RYR2: variants seen among roughly 807,000 people sequenced by gnomAD.
RYR2 encodes cardiac muscle ryanodine receptor-calcium release channel.
RYR2 carries 227 observed loss-of-function variants against 601.1 expected under a neutral mutation model. That is an observed-to-expected ratio of 0.38 (90% CI 0.34 to 0.42). The LOEUF (loss-of-function observed/expected upper bound fraction) is 0.42, where lower values mean the gene tolerates loss of function less well. Ranked by LOEUF, RYR2 falls within the 10% of genes least tolerant of loss-of-function variation. RYR2 has a pLI of 1.00. For missense variants in RYR2, 4,646 were observed against 6,156.5 expected (o/e 0.75, Z 8.21); for synonymous variants, 2,223 against 2,175.1 (o/e 1.02, Z -0.61).
chr1:237,066,249 G>T (rs908761496), intron 1 of RYR2, among the ~76,000 whole-genome samples: 11 of 152,126 alleles, frequency 7.2e-5, no homozygotes, highest in African/African-American at 2.7e-4. Flanking sequence ...AAGACATCTT[G>T]GTCGTTTTCA....
chr1:237,503,542 G>C, intron 22 of RYR2, 37 bp downstream of exon 22: 1 of 1,597,044 alleles, frequency 6.3e-7, no homozygotes. Flanking sequence ...CACTGGTATT[G>C]CAGTCATGCT....
chr1:237,413,617 A>T (rs1454592270), intron 10 of RYR2, among the ~76,000 whole-genome samples: 1 of 152,150 alleles, frequency 6.6e-6, no homozygotes, highest in Admixed American at 6.6e-5. Flanking sequence ...TAATGCTAAT[A>T]GTTTGATGTT....
intron 2 of RYR2, among the ~76,000 whole-genome samples, chr1:237,318,200 C>G (rs1364100844): frequency 6.6e-6 from 1 of 152,088 alleles, no homozygotes. Flanking sequence ...CAGAATAATA[C>G]TCATTTAATT....
intron 2 of RYR2, among the ~76,000 whole-genome samples, chr1:237,329,050 T>C (rs1231884115): frequency 6.6e-6 from 1 of 152,182 alleles, no homozygotes; most frequent in African/African-American, 2.4e-5. Flanking sequence ...TAACTTACGG[T>C]TCTAACTCAC....
intron 2 of RYR2, among the ~76,000 whole-genome samples, chr1:237,286,238 A>G (rs1691542526): frequency 6.6e-6 from 1 of 152,010 alleles, no homozygotes; most frequent in Non-Finnish European, 1.5e-5. Flanking sequence ...TGTCTGGTTC[A>G]AATAATTTTT....
At chr1:237,805,054 G>A (rs1034254902) in intron 98 of RYR2, among the ~76,000 whole-genome samples, 1 of 152,148 alleles carries the variant, frequency 6.6e-6, no homozygotes, top group African/African-American at 2.4e-5. Context: ...GCACAGAACA[G>A]CACCCATAAT....
At chr1:237,261,638 G>A (rs1688533940) in intron 1 of RYR2, among the ~76,000 whole-genome samples, 1 of 152,184 alleles carries the variant, frequency 6.6e-6, no homozygotes, top group Non-Finnish European at 1.5e-5. Flanking sequence ...GGTCACACCT[G>A]TAATCCCAGC....
chr1:237,486,187 G>T (rs2150385844), intron 17 of RYR2, among the ~76,000 whole-genome samples: 1 of 152,258 alleles, frequency 6.6e-6, no homozygotes, highest in African/African-American at 2.4e-5. Flanking sequence ...TACAAAGAAA[G>T]GTGTTATGTT....
intron 14 of RYR2, among the ~76,000 whole-genome samples, chr1:237,449,109 T>C (rs2150185563): frequency 6.6e-6 from 1 of 152,236 alleles, no homozygotes; most frequent in African/African-American, 2.4e-5. Flanking sequence ...TGAGAGCATA[T>C]GGGTTACAAA....
intron 25 of RYR2, among the ~76,000 whole-genome samples, chr1:237,547,017 T>TTATG (rs1669898640): frequency 7.6e-6 from 1 of 131,508 alleles, no homozygotes; most frequent in Non-Finnish European, 1.7e-5. Context: ...ATTTATTTAT[T>TTATG]TATTTAGAGA....
intron 27 of RYR2, among the ~76,000 whole-genome samples, chr1:237,558,538 C>T (rs1427877635): frequency 6.6e-6 from 1 of 152,160 alleles, no homozygotes; most frequent in Non-Finnish European, 1.5e-5. Context: ...TTTCAGGATT[C>T]TCTCTCTGTT....
At chr1:237,068,417 A>G (rs549105877) in intron 1 of RYR2, among the ~76,000 whole-genome samples, 50 of 152,264 alleles carry the variant, frequency 3.3e-4, no homozygotes, top group African/African-American at 1.1e-3. Flanking sequence ...TGACATTGTT[A>G]TGTTGCCCAT....
chr1:237,686,182 G>C lies in RYR2; in HGVS notation c.9018-1273G>C, dbSNP rs181538431. Among the ~76,000 whole-genome samples the C allele has an allele frequency of 7.9e-5, 12 of 152,300 alleles. No individual in the cohort carries two copies. In the East Asian group the frequency reaches 2.3e-3, roughly 29 times the overall value. On this transcript the variant is annotated intron_variant, in intron 62 of 104. Transcript: ENST00000366574. Reference sequence around the variant, plus strand: ...TTTGCAAGAGAACATAGTCAGTGAGGACTTAGCTGTTCTCGTTATTGGGAA... The same window carrying C: ...TTTGCAAGAGAACATAGTCAGTGAGCACTTAGCTGTTCTCGTTATTGGGAA...
At chr1:237,312,516 A>G (rs1425206256) in intron 2 of RYR2, among the ~76,000 whole-genome samples, 2 of 152,204 alleles carry the variant, frequency 1.3e-5, no homozygotes, top group Non-Finnish European at 2.9e-5. Context: ...GGCGAAGATG[A>G]CATTTTTAAC....
intron 2 of RYR2, among the ~76,000 whole-genome samples, chr1:237,328,387 G>C (rs552492378): frequency 3.3e-5 from 5 of 152,024 alleles, no homozygotes; most frequent in Admixed American, 3.3e-4. Flanking sequence ...GAGTAGAAGA[G>C]AGTCCTTTTC....
intron 3 of RYR2, among the ~76,000 whole-genome samples, chr1:237,332,273 T>C (rs1696821429): frequency 6.6e-6 from 1 of 152,208 alleles, no homozygotes; most frequent in African/African-American, 2.4e-5. Flanking sequence ...AGTTGATTTG[T>C]GCATTAATTC....
At chr1:237,212,488 C>T (rs771214998) in intron 1 of RYR2, among the ~76,000 whole-genome samples, 25 of 151,960 alleles carry the variant, frequency 1.6e-4, no homozygotes, top group Non-Finnish European at 2.6e-4. Context: ...CTTGGTGGCT[C>T]CAGCTACTTT....
intron 1 of RYR2, among the ~76,000 whole-genome samples, chr1:237,255,093 A>G (rs1687825667): frequency 6.6e-6 from 1 of 152,212 alleles, no homozygotes; most frequent in Non-Finnish European, 1.5e-5. Context: ...TTGATAAGTG[A>G]GCAATCTTCA....
At chr1:237,425,988 T>C (rs1311851419) in intron 12 of RYR2, among the ~76,000 whole-genome samples, 1 of 152,038 alleles carries the variant, frequency 6.6e-6, no homozygotes, top group Non-Finnish European at 1.5e-5. Flanking sequence ...ATTTATGCGA[T>C]CATTATTCTT....
Sources: gnomAD v4.1 joint callset for allele counts (sites outside exome capture counted in the v4.1 genomes callset) on GRCh38, gnomAD v4.1.1 for gene constraint, MANE v1.5 for transcripts, NCBI Gene and HGNC (gene_info 2026-07-23, HGNC 2026-07-21) for gene names.